SLC15A1: variants seen among roughly 807,000 people sequenced by gnomAD.
SLC15A1 encodes solute carrier family 15 member 1.
Under a neutral mutation model 92.9 loss-of-function variants are expected in SLC15A1, and 83 were observed. The observed-to-expected ratio is 0.89, with a 90% CI of 0.75 to 1.07. SLC15A1 has a LOEUF of 1.07. Ranked by LOEUF, SLC15A1 falls within the 50% of genes least tolerant of loss-of-function variation. SLC15A1 has a pLI of 0.00. For synonymous variants in SLC15A1, 322 were observed against 318.2 expected, an observed-to-expected ratio of 1.01 and a Z score of -0.13; for missense variants, 857 against 880.1, an observed-to-expected ratio of 0.97 and a Z score of 0.33.
intron 4 of SLC15A1, 141 bp from the exon 5 acceptor site, chr13:98,724,172 T>C: frequency 8.9e-7 from 1 of 1,118,826 alleles, no homozygotes; most frequent in Non-Finnish European, 1.3e-6. Flanking sequence ...TGAGTAACAC[T>C]GTTAACTCTC....
chr13:98,726,027 C>T, intron 4 of SLC15A1, 96 bp downstream of exon 4: 2 of 1,472,462 alleles, frequency 1.4e-6, no homozygotes, highest in Non-Finnish European at 1.8e-6. Flanking sequence ...AGTTTCTGTT[C>T]TTTGATTCAT....
chr13:98,694,171 T>C (rs2088004544), intron 18 of SLC15A1, among the ~76,000 whole-genome samples: 1 of 152,206 alleles, frequency 6.6e-6, no homozygotes, highest in Non-Finnish European at 1.5e-5. Context: ...TTATGGTCAA[T>C]TATGCCCCAC....
In SLC15A1 at chr13:98,752,664, C is replaced by T. The variant is rs981280143; in HGVS notation, c.-66G>A. On this transcript the variant is annotated 5_prime_UTR_variant, in exon 1 of 23. Transcript: ENST00000376503. ...GTGCTCCTGGCAGGTGCTACTCCTC[C>T]GACCTGACGTCCAGGCCCGGCCCCG... is the stretch of plus-strand genomic sequence containing the variant. The T allele has an allele frequency of 4.1e-6, 5 of 1,233,516 alleles. No individual in the cohort carries two copies. The highest frequency in any genetic ancestry group is 3.2e-5 in the East Asian group (1 of 31,522). The allele number at this position is 1,233,516 out of a possible 1,614,324, so 76.4% of individuals were successfully genotyped here. A position where few individuals can be genotyped will look rare whatever the true frequency, so the allele number is the denominator to read the frequency against.
intron 1 of SLC15A1, among the ~76,000 whole-genome samples, chr13:98,729,080 A>AAGGTTTG (rs887070652): frequency 1.3e-5 from 2 of 151,294 alleles, no homozygotes; most frequent in Non-Finnish European, 2.9e-5. Context: ...AGAAATGATC[A>AAGGTTTG]AGGTTTGAGG....
At chr13:98,707,681 G>A (rs2088123417) in intron 15 of SLC15A1, among the ~76,000 whole-genome samples, 1 of 152,070 alleles carries the variant, frequency 6.6e-6, no homozygotes, top group Admixed American at 6.5e-5. Context: ...GGCTGAGGTG[G>A]GAGGATTGAT....
At chr13:98,730,992 A>C (rs1289284892) in intron 1 of SLC15A1, among the ~76,000 whole-genome samples, 1 of 152,168 alleles carries the variant, frequency 6.6e-6, no homozygotes, top group Non-Finnish European at 1.5e-5. Flanking sequence ...CCCTCCCTGC[A>C]AGGTCACCTC....
intron 5 of SLC15A1, among the ~76,000 whole-genome samples, chr13:98,722,912 G>T (rs1320601920): frequency 6.6e-6 from 1 of 152,130 alleles, no homozygotes; most frequent in African/African-American, 2.4e-5. Flanking sequence ...CTTGAGCACT[G>T]ATCACTTGTC....
intron 7 of SLC15A1, chr13:98,720,840 G>A (rs1045539398): frequency 6.5e-6 from 2 of 310,052 alleles, no homozygotes; most frequent in African/African-American, 4.3e-5. Context: ...CACGAGGGCA[G>A]GAGATCGAGA....
rs8187824 is a variant in SLC15A1 at position 98,724,057 on chromosome 13, C to T, written c.246-26G>A. On this transcript the variant is annotated intron_variant, in intron 4 of 22. Coordinates refer to ENST00000376503, the MANE Select transcript of SLC15A1 (RefSeq NM_005073.4). Reference sequence around the variant, plus strand: ...CTGTGTTTCCAAAGATTAAGAGAATCCGAGTTAATTGCACAATAGCCATCC... The same window carrying T: ...CTGTGTTTCCAAAGATTAAGAGAATTCGAGTTAATTGCACAATAGCCATCC... 1,490 of 1,612,712 alleles carry T rather than the reference C, an allele frequency of 9.2e-4. 12 individuals carry two copies. In the African/African-American group the frequency reaches 0.014, roughly 16 times the overall value.
intron 14 of SLC15A1, among the ~76,000 whole-genome samples, 178 bp downstream of exon 14, chr13:98,709,394 C>T (rs531802870): frequency 6.6e-6 from 1 of 152,342 alleles, no homozygotes; most frequent in South Asian, 2.1e-4. Flanking sequence ...TCAATCACAG[C>T]ATTTTTATTT....
At chr13:98,704,170 G>A in intron 17 of SLC15A1, 119 bp downstream of exon 17, 1 of 905,424 alleles carries the variant, frequency 1.1e-6, no homozygotes, top group Non-Finnish European at 1.6e-6. Context: ...GAAGAAGGAA[G>A]AAATTGAGGA....
intron 16 of SLC15A1, among the ~76,000 whole-genome samples, chr13:98,705,461 T>C (rs1276313969): frequency 9.9e-5 from 15 of 152,126 alleles, no homozygotes. Context: ...ACAAAAAATG[T>C]CTCCAGAGAT....
chr13:98,721,258 A>G (rs1160313792), intron 7 of SLC15A1: 2 of 655,120 alleles, frequency 3.1e-6, no homozygotes, highest in Non-Finnish European at 5.8e-6. Context: ...ATGGATGCCC[A>G]TGCTAAGGAT....
chr13:98,719,326 G>C lies in SLC15A1; in HGVS notation c.557-6C>G. 6.2e-7 allele frequency: 1 copy of C among 1,607,970 alleles called. No homozygotes were observed. The highest frequency in any genetic ancestry group is 8.5e-7 in the Non-Finnish European group (1 of 1,174,644). On this transcript the variant is annotated splice_polypyrimidine_tract_variant and splice_region_variant and intron_variant, in intron 7 of 22. Transcript: ENST00000376503. ...GTGAATTCCACATTGTTGAACTGGG[G>C]AGAAATGACAAGATTAAAATTGTTA...
At chr13:98,706,083 T>C in intron 16 of SLC15A1, 51 bp downstream of exon 16, 1 of 1,578,324 alleles carries the variant, frequency 6.3e-7, no homozygotes, top group South Asian at 1.2e-5. Flanking sequence ...TAAATCCTAT[T>C]ATAACAGGGT....
chr13:98,729,931 A>T (rs1594003976), intron 1 of SLC15A1, among the ~76,000 whole-genome samples: 1 of 151,958 alleles, frequency 6.6e-6, no homozygotes, highest in Non-Finnish European at 1.5e-5. Flanking sequence ...CCCACTTAAG[A>T]GCATTTTAGG....
chr13:98,716,318 A>G (rs1434221658), intron 8 of SLC15A1, among the ~76,000 whole-genome samples: 2 of 152,312 alleles, frequency 1.3e-5, no homozygotes, highest in Admixed American at 6.5e-5. Flanking sequence ...TTAAAGTACT[A>G]TTCTACTAAG....
intron 18 of SLC15A1, among the ~76,000 whole-genome samples, chr13:98,697,217 G>A (rs1188864121): frequency 2.0e-5 from 3 of 152,046 alleles, no homozygotes; most frequent in African/African-American, 4.8e-5. Flanking sequence ...CACCACGCCC[G>A]GCTAATTTTT....
intron 17 of SLC15A1, among the ~76,000 whole-genome samples, chr13:98,703,878 T>C (rs2088090478): frequency 6.6e-6 from 1 of 152,178 alleles, no homozygotes. Flanking sequence ...GTAGGCTTAT[T>C]ATACTTTTTC....
Sources: gnomAD v4.1 joint callset for allele counts (sites outside exome capture counted in the v4.1 genomes callset) on GRCh38, gnomAD v4.1.1 for gene constraint, MANE v1.5 for transcripts, NCBI Gene and HGNC (gene_info 2026-07-23, HGNC 2026-07-21) for gene names.